CHST9: variants seen among roughly 807,000 people sequenced by gnomAD.
CHST9 encodes GalNAc-4-sulfotransferase 2.
In CHST9, 41 loss-of-function variants were observed where a neutral mutation model predicts 44.4. That is an observed-to-expected ratio of 0.92 (90% CI 0.72 to 1.20). The LOEUF is 1.20. Among genes scored for constraint, CHST9 ranks in the 50% most tolerant of loss-of-function variants. CHST9 has a pLI of 0.00. For missense variants in CHST9, 504 were observed against 516.5 expected, an observed-to-expected ratio of 0.98 and a Z score of 0.23; for synonymous variants, 171 against 178.4, an observed-to-expected ratio of 0.96 and a Z score of 0.33.
intron 1 of CHST9, among the ~76,000 whole-genome samples, chr18:27,166,240 G>A (rs1322036989): frequency 6.6e-6 from 1 of 151,952 alleles, no homozygotes; most frequent in East Asian, 1.9e-4. Context: ...ATTTTCATTT[G>A]TATATTCCAC....
At chr18:27,145,729 T>C (rs1432412798) in intron 1 of CHST9, among the ~76,000 whole-genome samples, 2 of 152,334 alleles carry the variant, frequency 1.3e-5, no homozygotes, top group Non-Finnish European at 2.9e-5. Context: ...ATTTGATGGG[T>C]GATACTTTGC....
chr18:27,027,526 ATCTTT>A (rs2057295917), intron 3 of CHST9, among the ~76,000 whole-genome samples: 1 of 152,164 alleles, frequency 6.6e-6, no homozygotes, highest in Non-Finnish European at 1.5e-5. Flanking sequence ...CTTTTGTTTT[ATCTTT>A]TCTTTTAAAA....
chr18:26,975,588 T>G (rs1475841495), intron 4 of CHST9, among the ~76,000 whole-genome samples: 1 of 149,992 alleles, frequency 6.7e-6, no homozygotes, highest in Non-Finnish European at 1.5e-5. Context: ...TTCATCCACA[T>G]TGCTTCAAAG....
chr18:27,152,650 A>G (rs2058668050), intron 1 of CHST9, among the ~76,000 whole-genome samples: 1 of 152,216 alleles, frequency 6.6e-6, no homozygotes, highest in African/African-American at 2.4e-5. Flanking sequence ...GTTAACCAAC[A>G]TATGTTGAGA....
chr18:27,173,550 T>A (rs568851152), intron 1 of CHST9, among the ~76,000 whole-genome samples: 179 of 152,072 alleles, frequency 1.2e-3, no homozygotes, highest in African/African-American at 4.1e-3. Context: ...ATGAAAAAAA[T>A]TATTTTATCT....
intron 4 of CHST9, chr18:26,952,094 C>T (rs147386373): frequency 1.2e-5 from 5 of 411,564 alleles, no homozygotes; most frequent in Admixed American, 1.2e-4. Context: ...CAGAGCAATA[C>T]TCGAACAGCA....
intron 4 of CHST9, among the ~76,000 whole-genome samples, chr18:26,947,736 A>T (rs1038892097): frequency 1.3e-5 from 2 of 152,220 alleles, no homozygotes; most frequent in African/African-American, 2.4e-5. Context: ...ATCATTAAAA[A>T]GTCAGGAACA....
chr18:27,009,649 G>T (rs1347985470), intron 4 of CHST9, among the ~76,000 whole-genome samples: 2 of 152,162 alleles, frequency 1.3e-5, no homozygotes, highest in Non-Finnish European at 2.9e-5. Context: ...CCTTCACTTG[G>T]TCCTGTACTT....
chr18:27,105,291 C>T (rs539126474), intron 2 of CHST9, among the ~76,000 whole-genome samples: 1 of 152,258 alleles, frequency 6.6e-6, no homozygotes, highest in South Asian at 2.1e-4. Flanking sequence ...TAAAGCCACT[C>T]TACTTGCCTT....
At chr18:27,109,297 C>A (rs999670247) in intron 2 of CHST9, among the ~76,000 whole-genome samples, 1 of 151,786 alleles carries the variant, frequency 6.6e-6, no homozygotes, top group African/African-American at 2.4e-5. Flanking sequence ...TTTTTTCTCC[C>A]TGCAAACCCA....
intron 5 of CHST9, among the ~76,000 whole-genome samples, chr18:26,920,308 C>T (rs1333112983): frequency 6.6e-6 from 1 of 152,220 alleles, no homozygotes; most frequent in African/African-American, 2.4e-5. Flanking sequence ...CAGGTCTTAA[C>T]AGCCAGCATG....
At chr18:27,053,164 GA>G (rs1455884397) in intron 2 of CHST9, among the ~76,000 whole-genome samples, 3 of 145,982 alleles carry the variant, frequency 2.1e-5, no homozygotes, top group Admixed American at 7.0e-5. Flanking sequence ...AGAAGAAGAA[GA>G]AGAAGAAGAA....
chr18:27,059,764 T>G (rs746483391), intron 2 of CHST9, among the ~76,000 whole-genome samples: 4 of 152,216 alleles, frequency 2.6e-5, no homozygotes, highest in African/African-American at 2.4e-5. Flanking sequence ...AGTACAGGTT[T>G]TAATCCCGCT....
At chr18:27,134,245 A>T (rs1253895600) in intron 2 of CHST9, among the ~76,000 whole-genome samples, 1 of 152,206 alleles carries the variant, frequency 6.6e-6, no homozygotes, top group Non-Finnish European at 1.5e-5. Flanking sequence ...TGCCAAAAAT[A>T]TGCTTCAATG....
intron 5 of CHST9, 121 bp from the exon 6 acceptor site, chr18:26,917,471 C>T: frequency 6.8e-6 from 8 of 1,173,906 alleles, no homozygotes; most frequent in South Asian, 6.3e-5. Context: ...ATATAAGCTG[C>T]CAGAACAATT....
At chr18:27,010,409 T>C (rs766453337) in intron 4 of CHST9, among the ~76,000 whole-genome samples, 21 of 152,180 alleles carry the variant, frequency 1.4e-4, no homozygotes, top group Non-Finnish European at 2.6e-4. Flanking sequence ...TTGAAGTAAT[T>C]GTCAGGGTGA....
chr18:27,018,589 C>A (rs1034992322), intron 4 of CHST9, among the ~76,000 whole-genome samples: 2 of 152,050 alleles, frequency 1.3e-5, no homozygotes, highest in African/African-American at 2.4e-5. Context: ...TTTTTCTTTC[C>A]CCTGCAGGAT....
intron 2 of CHST9, among the ~76,000 whole-genome samples, chr18:27,090,224 G>T (rs1323867526): frequency 2.0e-5 from 3 of 152,110 alleles, no homozygotes; most frequent in Non-Finnish European, 4.4e-5. Flanking sequence ...TCATGTGTCT[G>T]TTGGCTGCAT....
chr18:27,005,467 C>T (rs1262081449), intron 4 of CHST9, among the ~76,000 whole-genome samples: 2 of 152,040 alleles, frequency 1.3e-5, no homozygotes. Flanking sequence ...TACTTCAAAT[C>T]GATGCTATTT....
Sources: gnomAD v4.1 joint callset for allele counts (sites outside exome capture counted in the v4.1 genomes callset) on GRCh38, gnomAD v4.1.1 for gene constraint, MANE v1.5 for transcripts, NCBI Gene and HGNC (gene_info 2026-07-23, HGNC 2026-07-21) for gene names.